Variants in NEUROG2 observed in about 807,000 individuals in gnomAD.
NEUROG2 encodes neurogenin 2, also known as neurogenin-2.
NEUROG2 carries 1 observed loss-of-function variant against 2.8 expected under a neutral mutation model. That is an observed-to-expected ratio of 0.36 (90% CI 0.13 to 1.71). NEUROG2 has a LOEUF of 1.71. NEUROG2 is among the 40% of genes most tolerant of loss of function. The probability of loss-of-function intolerance (pLI) is 0.34; values close to 1 mark genes in which losing one functional copy is unlikely to be tolerated. For missense variants in NEUROG2, 397 were observed against 392.7 expected, an observed-to-expected ratio of 1.01 and a Z score of -0.09; for synonymous variants, 211 against 187.7, an observed-to-expected ratio of 1.12 and a Z score of -1.01.
chr4:112,514,715 G>A lies in NEUROG2; in HGVS notation c.761C>T (p.Pro254Leu). 1.3e-6 allele frequency: 2 copies of A among 1,519,248 alleles called. No individual in the cohort carries two copies. Among genetic ancestry groups the A allele is most frequent in the Non-Finnish European group, 8.8e-7 (1 of 1,136,494 alleles). 94.1% of individuals were successfully genotyped at this position (1,519,248 alleles called of 1,614,324 possible). A position where few individuals can be genotyped will look rare whatever the true frequency, so the allele number is the denominator to read the frequency against. Residue 254 changes from proline (P) to leucine (L), a missense_variant, in exon 2 of 2, where the codon CCA (proline) becomes CTA (leucine). Physicochemically the swap from Pro to Leu is moderately conservative, Grantham distance 98. Coordinates refer to ENST00000313341, the MANE Select transcript of NEUROG2 (RefSeq NM_024019.4). ...AGSDMDYWQPPPPDKHRYAPH... is the reference protein window; with the variant it reads ...AGSDMDYWQPLPPDKHRYAPH... ...TGCATAGCGGTGCTTGTCGGGAGGT[G>A]GGGGCTGCCAATAGTCCATGTCTGA... is the stretch of plus-strand genomic sequence containing the variant.
intron 1 of NEUROG2, 37 bp from the exon 2 acceptor site, chr4:112,515,513 G>A (rs770151876): frequency 1.3e-6 from 2 of 1,483,414 alleles, no homozygotes; most frequent in Admixed American, 2.6e-5. Flanking sequence ...GCAGTGAGGT[G>A]TAAGGAAAGA....
rs1363237912 is a variant in NEUROG2, at chr4:112,515,495, G to A, written c.-1-19C>T. 2 of 1,505,516 alleles carry A rather than the reference G, an allele frequency of 1.3e-6. No homozygotes were observed. Among genetic ancestry groups the A allele is most frequent in the South Asian group, 2.6e-5 (2 of 76,548 alleles). The allele number at this position is 1,505,516 out of a possible 1,614,324, so 93.3% of individuals were successfully genotyped here. ...GAACATCCTACCGAAGAGAGAAAGG[G>A]GAAAAAGGCAGTGAGGTGTAAGGAA... On this transcript the variant is annotated intron_variant, in intron 1 of 1. Coordinates refer to ENST00000313341, the MANE Select transcript of NEUROG2 (RefSeq NM_024019.4).
At position 112,515,233 on chromosome 4, in the gene NEUROG2, A is replaced by C. The variant is rs1335856065; in HGVS notation, c.243T>G (p.Gly81=). The C allele has an allele frequency of 1.7e-5, 27 of 1,598,172 alleles. No individual in the cohort carries two copies. Among genetic ancestry groups the C allele is most frequent in the East Asian group, 2.3e-5 (1 of 44,284 alleles). Residue 81 remains glycine, a synonymous_variant, in exon 2 of 2, where the codon GGT becomes GGG. Transcript: ENST00000313341. ...GGCGCCGTTTGCAATCGTGTACCAG[A>C]CCCAGCAGCCGTGCGGGCCGGCAGC... ...AEGCRPARLL[G]LVHDCKRRPS... is the part of the protein sequence containing the mutation.
Position 112,514,936 on chromosome 4 carries a change from G to A in NEUROG2, c.540C>T (p.Gly180=). 6.2e-7 allele frequency: 1 copy of A among 1,609,666 alleles called. No individual in the cohort carries two copies. Among genetic ancestry groups the A allele is most frequent in the South Asian group, 1.1e-5 (1 of 90,482 alleles). ...LADHCGGGGG[G]LPGALFSEAV... ...CCTCGGAGAAGAGCGCCCCCGGCAG[G>A]CCCCCGCCGCCGCCCCCGCAGTGAT... The change falls in exon 2 of 2, where the codon GGC becomes GGT. Residue 180 remains glycine (G), a synonymous_variant. Coordinates refer to ENST00000313341, the MANE Select transcript of NEUROG2 (RefSeq NM_024019.4).
At chr4:112,515,510 G>T in intron 1 of NEUROG2, 34 bp from the exon 2 acceptor site, 1 of 1,486,968 alleles carries the variant, frequency 6.7e-7, no homozygotes, top group South Asian at 1.4e-5. Context: ...AAGGCAGTGA[G>T]GTGTAAGGAA....
Position 112,515,268 on chromosome 4 carries a change from C to T in NEUROG2, c.208G>A (p.Gly70Ser). The T allele has an allele frequency of 1.3e-6, 2 of 1,531,828 alleles. No homozygotes were observed. The highest frequency in any genetic ancestry group is 1.7e-6 in the Non-Finnish European group (2 of 1,148,992). 94.9% of individuals were successfully genotyped at this position (1,531,828 alleles called of 1,614,324 possible). A position where few individuals can be genotyped will look rare whatever the true frequency, so the allele number is the denominator to read the frequency against. ...GQGARGGVAAGAEGCRPARLL... is the reference protein window; with the variant it reads ...GQGARGGVAASAEGCRPARLL... ...CGTGCGGGCCGGCAGCCCTCCGCAC[C>T]CGCAGCCACGCCGCCCCGCGCCCCC... Residue 70 changes from glycine to serine, a missense_variant, in exon 2 of 2, where the codon GGT (glycine) becomes AGT (serine). By Grantham distance (56) the Gly-to-Ser change is moderately conservative. Transcript: ENST00000313341.
Position 112,514,699 on chromosome 4 carries a change from G to C in NEUROG2, c.777C>G (p.His259Gln). ...DYWQPPPPDKHRYAPHLPIAR... is the reference protein window; with the variant it reads ...DYWQPPPPDKQRYAPHLPIAR... The stretch of plus-strand genomic sequence containing the variant: ...CTATGGGGAGGTGAGGTGCATAGCG[G>C]TGCTTGTCGGGAGGTGGGGGCTGCC... The change falls in exon 2 of 2, where the codon CAC (histidine) becomes CAG (glutamine). Residue 259 changes from histidine (H) to glutamine (Q), a missense_variant. Physicochemically the swap from His to Gln is conservative, Grantham distance 24. Transcript: ENST00000313341. The C allele has an allele frequency of 6.6e-7, 1 of 1,518,370 alleles. No homozygotes were observed. The highest frequency in any genetic ancestry group is 8.8e-7 in the Non-Finnish European group (1 of 1,136,024). The allele number at this position is 1,518,370 out of a possible 1,614,324, so 94.1% of individuals were successfully genotyped here.
Position 112,515,396 on chromosome 4 carries a change from A to G in NEUROG2, c.80T>C (p.Leu27Ser). The G allele has an allele frequency of 2.0e-6, 3 of 1,524,722 alleles. No individual in the cohort carries two copies. The highest frequency in any genetic ancestry group is 2.1e-5 in the Admixed American group (1 of 47,978). The allele number at this position is 1,524,722 out of a possible 1,614,324, so 94.4% of individuals were successfully genotyped here. A position where few individuals can be genotyped will look rare whatever the true frequency, so the allele number is the denominator to read the frequency against. The change falls in exon 2 of 2, where the codon TTG (leucine) becomes TCG (serine). Residue 27 changes from leucine (L) to serine (S), a missense_variant. Transcript: ENST00000313341. ...GGATGACAGCGGGGTCAGGGCCGCCAAGGCGGGGGAGGCCGATCCGAGCAG... is the reference window on the plus strand; with the variant it reads ...GGATGACAGCGGGGTCAGGGCCGCCGAGGCGGGGGAGGCCGATCCGAGCAG... ...LVLLGSASPALAALTPLSSSA... is the reference protein window; with the variant it reads ...LVLLGSASPASAALTPLSSSA...
At position 112,515,418 on chromosome 4, in the gene NEUROG2, G is replaced by A. The variant is rs759210550; in HGVS notation, c.58C>T (p.Leu20Phe). ...GCCAAGGCGGGGGAGGCCGATCCGA[G>A]CAGCACTAACACGTCCTCTTCCTCC... is the stretch of plus-strand genomic sequence containing the variant. ...LKEEEDVLVL[L>F]GSASPALAAL... The change falls in exon 2 of 2, where the codon CTC becomes TTC. Residue 20 changes from leucine to phenylalanine, a missense_variant. Coordinates refer to ENST00000313341, the MANE Select transcript of NEUROG2 (RefSeq NM_024019.4). The A allele has an allele frequency of 6.5e-7, 1 of 1,529,186 alleles. No individual in the cohort carries two copies. Among genetic ancestry groups the A allele is most frequent in the South Asian group, 1.2e-5 (1 of 81,396 alleles). The allele number at this position is 1,529,186 out of a possible 1,614,324, so 94.7% of individuals were successfully genotyped here. A position where few individuals can be genotyped will look rare whatever the true frequency, so the allele number is the denominator to read the frequency against.
chr4:112,514,953 C>G lies in NEUROG2; in HGVS notation c.523G>C (p.Gly175Arg). 6.2e-7 allele frequency: 1 copy of G among 1,612,536 alleles called. No homozygotes were observed. Among genetic ancestry groups the G allele is most frequent in the Non-Finnish European group, 8.5e-7 (1 of 1,179,586 alleles). Residue 175 changes from glycine to arginine, a missense_variant, in exon 2 of 2, where the codon GGG (glycine) becomes CGG (arginine). Transcript: ENST00000313341. ...TETLRLADHC[G>R]GGGGGLPGAL... ...CCCGGCAGGCCCCCGCCGCCGCCCC[C>G]GCAGTGATCCGCCAGGCGCAGGGTC...
rs1736446383 is a variant in NEUROG2, at chr4:112,516,081, G to C, written c.-236C>G. ...TGTGTTGTGGTGGTGGTGCGTGTCT[G>C]TCTGTCAGTCAGTCCCTGGCCGTGC... On this transcript the variant is annotated 5_prime_UTR_variant, in exon 1 of 2. Coordinates refer to ENST00000313341, the MANE Select transcript of NEUROG2 (RefSeq NM_024019.4). 1 of 153,110 alleles carries C rather than the reference G, an allele frequency of 6.5e-6. No individual in the cohort carries two copies. The highest frequency in any genetic ancestry group is 1.5e-5 in the Non-Finnish European group (1 of 68,242). 9.5% of individuals were successfully genotyped at this position (153,110 alleles called of 1,614,324 possible).
In NEUROG2 at chr4:112,514,677, T is replaced by C; in HGVS notation, c.799A>G (p.Ile267Val). 6.6e-7 allele frequency: 1 copy of C among 1,507,110 alleles called. No homozygotes were observed. 93.4% of individuals were successfully genotyped at this position (1,507,110 alleles called of 1,614,324 possible). The change falls in exon 2 of 2, where the codon ATA becomes GTA. Residue 267 changes from isoleucine to valine, a missense_variant. By Grantham distance (29) the Ile-to-Val change is conservative (BLOSUM62 3). Transcript: ENST00000313341. The stretch of plus-strand genomic sequence containing the variant: ...CAGCTCTAGATACAATCCCTGGCTA[T>C]GGGGAGGTGAGGTGCATAGCGGTGC... The part of the protein sequence containing the change: ...DKHRYAPHLP[I>V]ARDCI
At position 112,515,480 on chromosome 4, in the gene NEUROG2, C is replaced by A; in HGVS notation, c.-1-4G>T. 1 of 1,516,238 alleles carries A rather than the reference C, an allele frequency of 6.6e-7. No individual in the cohort carries two copies. The highest frequency in any genetic ancestry group is 1.3e-5 in the South Asian group (1 of 78,486). The allele number at this position is 1,516,238 out of a possible 1,614,324, so 93.9% of individuals were successfully genotyped here. On this transcript the variant is annotated splice_polypyrimidine_tract_variant and splice_region_variant and intron_variant, in intron 1 of 1. Transcript: ENST00000313341. ...GGTCTCGGATTTGACGAACATCCTA[C>A]CGAAGAGAGAAAGGGGAAAAAGGCA...
chr4:112,513,667 A>AAAAT lies in NEUROG2; in HGVS notation c.*989_*990insATTT. Reference sequence around the variant, plus strand: ...ATTTCTTTATAATAAATAGAAGGGAACACGTGTGTGGCTGATCCGGATAAT... The same window carrying AAAAT: ...ATTTCTTTATAATAAATAGAAGGGAAAAATCACGTGTGTGGCTGATCCGGATAAT... On this transcript the variant is annotated 3_prime_UTR_variant, in exon 2 of 2. Coordinates refer to ENST00000313341, the MANE Select transcript of NEUROG2 (RefSeq NM_024019.4). 6.6e-6 allele frequency: 1 copy of AAAAT among 152,652 alleles called. No individual in the cohort carries two copies. The highest frequency in any genetic ancestry group is 6.5e-5 in the Admixed American group (1 of 15,284). 9.5% of individuals were successfully genotyped at this position (152,652 alleles called of 1,614,324 possible).
chr4:112,515,482 G>C lies in NEUROG2; in HGVS notation c.-1-6C>G. On this transcript the variant is annotated splice_polypyrimidine_tract_variant and splice_region_variant and intron_variant, in intron 1 of 1. Coordinates refer to ENST00000313341, the MANE Select transcript of NEUROG2 (RefSeq NM_024019.4). ...TCTCGGATTTGACGAACATCCTACC[G>C]AAGAGAGAAAGGGGAAAAAGGCAGT... The C allele has an allele frequency of 6.6e-7, 1 of 1,514,390 alleles. No individual in the cohort carries two copies. 93.8% of individuals were successfully genotyped at this position (1,514,390 alleles called of 1,614,324 possible). A position where few individuals can be genotyped will look rare whatever the true frequency, so the allele number is the denominator to read the frequency against.
At position 112,514,850 on chromosome 4, in the gene NEUROG2, G is replaced by T; in HGVS notation, c.626C>A (p.Ser209Ter). 1 of 1,593,740 alleles carries T rather than the reference G, an allele frequency of 6.3e-7. No individual in the cohort carries two copies. The highest frequency in any genetic ancestry group is 8.5e-7 in the Non-Finnish European group (1 of 1,173,488). ...GGTGCAACTCCACGTGGAGGCGGGC[G>T]AGGGGCTGTCTCCGCTGCTGCTCAG... ...AALSSSGDSP[S>*]PASTWSCTNS... is the part of the protein sequence containing the mutation. Residue 209 changes from serine to a stop codon, truncating the protein, a stop_gained, in exon 2 of 2, where the codon TCG becomes TAG. Coordinates refer to ENST00000313341, the MANE Select transcript of NEUROG2 (RefSeq NM_024019.4). LOFTEE classifies it high-confidence loss of function.
intron 1 of NEUROG2, 50 bp downstream of exon 1, chr4:112,515,797 A>G (rs1326777243): frequency 1.5e-5 from 3 of 202,782 alleles, no homozygotes; most frequent in Non-Finnish European, 3.0e-5. Flanking sequence ...GGTTGGACTG[A>G]GTGCGGGGAA....
Position 112,514,796 on chromosome 4 carries a change from G to C in NEUROG2, c.680C>G (p.Ser227Cys). 1 of 1,557,192 alleles carries C rather than the reference G, an allele frequency of 6.4e-7. No homozygotes were observed. The highest frequency in any genetic ancestry group is 8.6e-7 in the Non-Finnish European group (1 of 1,157,380). The change falls in exon 2 of 2, where the codon TCC becomes TGC. Residue 227 changes from serine (S) to cysteine (C), a missense_variant. Coordinates refer to ENST00000313341, the MANE Select transcript of NEUROG2 (RefSeq NM_024019.4). ...TNSPAPSSSVSSNSTSPYSCT... is the reference protein window; with the variant it reads ...TNSPAPSSSVCSNSTSPYSCT... ...GCTGTAGGGGGAGGTGGAATTGGAGGACACGGAGGAGGACGGCGCGGGGCT... is the reference window on the plus strand; with the variant it reads ...GCTGTAGGGGGAGGTGGAATTGGAGCACACGGAGGAGGACGGCGCGGGGCT...
rs768102480 is a variant in NEUROG2 at position 112,515,228 on chromosome 4, A to G, written c.248T>C (p.Val83Ala). 71 of 1,602,016 alleles carry G rather than the reference A, an allele frequency of 4.4e-5. No homozygotes were observed. The South Asian group carries it at 7.6e-4, about 17-fold the overall frequency. ...GGAAGGGCGCCGTTTGCAATCGTGT[A>G]CCAGACCCAGCAGCCGTGCGGGCCG... ...GCRPARLLGL[V>A]HDCKRRPSRA... is the part of the protein sequence containing the mutation. The change falls in exon 2 of 2, where the codon GTA becomes GCA. Residue 83 changes from valine (V) to alanine (A), a missense_variant. Physicochemically the swap from Val to Ala is moderately conservative, Grantham distance 64. Coordinates refer to ENST00000313341, the MANE Select transcript of NEUROG2 (RefSeq NM_024019.4).
Sources: gnomAD v4.1 joint callset for allele counts on GRCh38, gnomAD v4.1.1 for gene constraint, MANE v1.5 for transcripts, NCBI Gene and HGNC (gene_info 2026-07-23, HGNC 2026-07-21) for gene names.